FOXP1: variants seen among roughly 807,000 people sequenced by gnomAD.
FOXP1 encodes forkhead box P1, also known as forkhead box protein P1.
A neutral mutation model predicts 98.2 loss-of-function variants in FOXP1; 15 were observed. That is an observed-to-expected ratio of 0.15 (90% CI 0.10 to 0.24). FOXP1 has a LOEUF of 0.24. FOXP1 is among the 10% of genes least tolerant of loss of function. The probability of loss-of-function intolerance (pLI) is 1.00; values close to 1 mark genes in which losing one functional copy is unlikely to be tolerated. For missense variants in FOXP1, 633 were observed against 848.5 expected (o/e 0.75, Z 3.15); for synonymous variants, 371 against 314.5 (o/e 1.18, Z -1.90).
chr3:71,127,263 C>T (rs1256520288), intron 6 of FOXP1, among the ~76,000 whole-genome samples: 1 of 152,174 alleles, frequency 6.6e-6, no homozygotes, highest in East Asian at 1.9e-4. Flanking sequence ...TTCTTTTGCC[C>T]CCAAAGCATG....
intron 6 of FOXP1, among the ~76,000 whole-genome samples, chr3:71,169,461 C>A (rs1233165603): frequency 6.6e-6 from 1 of 152,082 alleles, no homozygotes; most frequent in Non-Finnish European, 1.5e-5. Flanking sequence ...CAGGGAGAGC[C>A]TAATGCAAAA....
At chr3:71,293,274 T>G (rs2072947934) in intron 5 of FOXP1, among the ~76,000 whole-genome samples, 1 of 152,210 alleles carries the variant, frequency 6.6e-6, no homozygotes, top group Non-Finnish European at 1.5e-5. Flanking sequence ...TATTTGTGCC[T>G]TTGGCAGATA....
chr3:71,199,849 G>A lies in FOXP1; in HGVS notation c.-11-1457C>T, dbSNP rs368722969. On this transcript the variant is annotated intron_variant, in intron 5 of 20. Transcript: ENST00000649528. Reference sequence around the variant, plus strand: ...TCCCAGGACTTTGGGAGGCCGAGGCGGGTGGATCACGAGGTCAGGAGTTCA... The same window carrying A: ...TCCCAGGACTTTGGGAGGCCGAGGCAGGTGGATCACGAGGTCAGGAGTTCA... 3.9e-5 allele frequency among the ~76,000 whole-genome samples: 6 copies of A among 151,970 alleles called. No homozygotes were observed. The East Asian group carries it at 5.8e-4, about 15-fold the overall frequency.
At chr3:71,526,129 TAAATAAATAAAC>T (rs1048018017) in intron 2 of FOXP1, among the ~76,000 whole-genome samples, 6 of 49,168 alleles carry the variant, frequency 1.2e-4, no homozygotes, top group African/African-American at 7.1e-4. Flanking sequence ...TCTAAATATA[TAAATAAATAAAC>T]AAACAAACAA....
At chr3:71,001,368 GCAAT>G (rs2042104105) in intron 12 of FOXP1, among the ~76,000 whole-genome samples, 1 of 152,178 alleles carries the variant, frequency 6.6e-6, no homozygotes, top group Admixed American at 6.5e-5. Context: ...TTAATGGGCA[GCAAT>G]CAGAGACAGG....
chr3:71,159,729 C>G (rs1168008139), intron 6 of FOXP1, among the ~76,000 whole-genome samples: 1 of 151,898 alleles, frequency 6.6e-6, no homozygotes, highest in Non-Finnish European at 1.5e-5. Context: ...CCATTTCCTA[C>G]CTTACAAGAG....
intron 14 of FOXP1, among the ~76,000 whole-genome samples, chr3:70,986,375 A>G (rs1427268363): frequency 6.6e-6 from 1 of 152,222 alleles, no homozygotes; most frequent in African/African-American, 2.4e-5. Flanking sequence ...CCAGGCCTAC[A>G]GTGCTGGGTC....
intron 11 of FOXP1, among the ~76,000 whole-genome samples, chr3:71,031,931 G>T (rs1210995546): frequency 6.6e-6 from 1 of 152,194 alleles, no homozygotes; most frequent in East Asian, 1.9e-4. Flanking sequence ...CACTAGAATT[G>T]TACCTGCTGA....
chr3:71,406,473 T>A (rs921051038), intron 3 of FOXP1, among the ~76,000 whole-genome samples: 3 of 148,500 alleles, frequency 2.0e-5, no homozygotes, highest in Admixed American at 6.7e-5. Flanking sequence ...GAAAATCAAA[T>A]CAGGGTATTC....
intron 6 of FOXP1, among the ~76,000 whole-genome samples, chr3:71,174,787 C>CACACACACACACACGCAT: frequency 8.7e-6 from 1 of 114,724 alleles, no homozygotes; most frequent in South Asian, 2.7e-4. Context: ...CACATGCATA[C>CACACACACACACACGCAT]ACACACACAC....
At chr3:71,468,877 A>G (rs1343092672) in intron 3 of FOXP1, among the ~76,000 whole-genome samples, 1 of 152,236 alleles carries the variant, frequency 6.6e-6, no homozygotes, top group Non-Finnish European at 1.5e-5. Flanking sequence ...CTGAAAGAGA[A>G]AAACGAGCAG....
chr3:71,124,149 A>T (rs1456889418), intron 6 of FOXP1, among the ~76,000 whole-genome samples: 1 of 152,036 alleles, frequency 6.6e-6, no homozygotes, highest in South Asian at 2.1e-4. Flanking sequence ...TTTTAAAAAA[A>T]AAATGATACA....
chr3:71,326,996 A>C (rs1427763062), intron 4 of FOXP1, among the ~76,000 whole-genome samples: 1 of 152,170 alleles, frequency 6.6e-6, no homozygotes, highest in Non-Finnish European at 1.5e-5. Flanking sequence ...AAGGCCCAGC[A>C]AGGTAACTAG....
intron 2 of FOXP1, among the ~76,000 whole-genome samples, chr3:71,526,828 G>A (rs929553186): frequency 2.0e-5 from 3 of 152,038 alleles, no homozygotes; most frequent in Admixed American, 6.5e-5. Flanking sequence ...TTAGTCGGGC[G>A]TGGTGGCGCA....
intron 3 of FOXP1, among the ~76,000 whole-genome samples, chr3:71,449,752 ATC>A (rs1354286052): frequency 6.6e-6 from 1 of 152,206 alleles, no homozygotes; most frequent in East Asian, 1.9e-4. Flanking sequence ...TGATCATGCA[ATC>A]TGACCACTCG....
chr3:71,273,591 A>G (rs2070601813), intron 5 of FOXP1, among the ~76,000 whole-genome samples: 1 of 152,168 alleles, frequency 6.6e-6, no homozygotes, highest in African/African-American at 2.4e-5. Context: ...TTATTTCAGT[A>G]TCCGAGAACA....
chr3:71,349,653 T>A (rs2077651217), intron 4 of FOXP1, among the ~76,000 whole-genome samples: 1 of 151,842 alleles, frequency 6.6e-6, no homozygotes, highest in South Asian at 2.1e-4. Flanking sequence ...AAAAAAAAAA[T>A]TCCATCCAGG....
intron 4 of FOXP1, among the ~76,000 whole-genome samples, chr3:71,318,613 A>G (rs1286651002): frequency 6.6e-6 from 1 of 151,696 alleles, no homozygotes; most frequent in South Asian, 2.1e-4. Context: ...GCACATCTTC[A>G]GAAAAAGCAA....
At chr3:71,296,450 A>G (rs1323737473) in intron 5 of FOXP1, 1 of 152,200 alleles carries the variant, frequency 6.6e-6, no homozygotes, top group Non-Finnish European at 1.5e-5. Context: ...TTCTTTCTAG[A>G]TAAGAGATCA....
Sources: allele counts gnomAD v4.1 joint callset (sites outside exome capture counted in the v4.1 genomes callset), GRCh38; gene constraint gnomAD v4.1.1; transcripts MANE v1.5; gene names NCBI Gene and HGNC (gene_info 2026-07-23, HGNC 2026-07-21).